Variants in ATRN observed in about 807,000 individuals in gnomAD.
ATRN encodes the protein attractin-2.
Under a neutral mutation model 178.7 loss-of-function variants are expected in ATRN, and 54 were observed. That is an observed-to-expected ratio of 0.30 (90% confidence interval 0.24 to 0.38). ATRN has a LOEUF of 0.38. Among genes scored for constraint, ATRN ranks in the 10% least tolerant of loss-of-function variants. The pLI is 1.00. For synonymous variants in ATRN, 636 were observed against 663.0 expected, an observed-to-expected ratio of 0.96 and a Z score of 0.63; for missense variants, 1,443 against 1,815.1, an observed-to-expected ratio of 0.79 and a Z score of 3.73.
chr20:3,597,396 A>G lies in ATRN; in HGVS notation c.3470-510A>G, dbSNP rs569542087. 2.6e-5 allele frequency among the ~76,000 whole-genome samples: 4 copies of G among 152,296 alleles called. No individual in the cohort carries two copies. The South Asian group carries it at 8.3e-4, about 32-fold the overall frequency. On this transcript the variant is annotated intron_variant, in intron 21 of 28. Transcript: ENST00000262919. ...ATGAAAGAAGATATTACAGTGGCCA[A>G]TAAGCACATTAAAAACGACTTAACA...
Position 3,471,098 on chromosome 20 carries a change from C to T in ATRN, c.-10C>T. 1.3e-6 allele frequency: 2 copies of T among 1,509,914 alleles called. No homozygotes were observed. Among genetic ancestry groups the T allele is most frequent in the East Asian group, 2.7e-5 (1 of 37,350 alleles). The allele number at this position is 1,509,914 out of a possible 1,614,324, so 93.5% of individuals were successfully genotyped here. A position where few individuals can be genotyped will look rare whatever the true frequency, so the allele number is the denominator to read the frequency against. On this transcript the variant is annotated 5_prime_UTR_variant, in exon 1 of 29. Transcript: ENST00000262919. ...ATGTGTTCGCGGGGCGCCGTCTCAG[C>T]CCCGGGAAGATGGTGGCTGCAGCGG...
Position 3,562,434 on chromosome 20 carries a change from C to A in ATRN, c.1606C>A (p.Arg536=). 6.2e-7 allele frequency: 1 copy of A among 1,614,020 alleles called. No homozygotes were observed. The highest frequency in any genetic ancestry group is 8.5e-7 in the Non-Finnish European group (1 of 1,179,974). The change falls in exon 9 of 29, where the codon CGA becomes AGA. Residue 536 remains arginine, a synonymous_variant. Transcript: ENST00000262919. ...GTACCGGCTTGCAGATGATCTCTAC[C>A]GATATGATGTGGATACCCAGATGTG... ...NKYRLADDLY[R]YDVDTQMWTI... is the part of the protein sequence containing the mutation.
In ATRN at chr20:3,645,721, C is replaced by T. The variant is rs543795918; in HGVS notation, c.4166-1002C>T. 1.1e-4 allele frequency among the ~76,000 whole-genome samples: 16 copies of T among 152,284 alleles called. No homozygotes were observed. Among genetic ancestry groups the T allele is most frequent in the African/African-American group, 3.6e-4 (15 of 41,558 alleles). Reference sequence around the variant, plus strand: ...CTTTTCTAGGCTCCCAGAGCATTCCCCACTGTGTGCCAGGCACTTACAGCT... The same window carrying T: ...CTTTTCTAGGCTCCCAGAGCATTCCTCACTGTGTGCCAGGCACTTACAGCT... On this transcript the variant is annotated intron_variant, in intron 28 of 28. Transcript: ENST00000262919. This position sits in a 1 kb window ranked among gnomAD's most constrained non-coding sequence, Gnocchi z 4.7.
In ATRN at chr20:3,646,680, G is replaced by A. The variant is rs559606724; in HGVS notation, c.4166-43G>A. ...AATTATTTTTTAAAACAAAATAAAA[G>A]CCAGCTGCTCCCAGCATATGTTCTC... On this transcript the variant is annotated intron_variant, in intron 28 of 28. Coordinates refer to ENST00000262919, the MANE Select transcript of ATRN (RefSeq NM_139321.3). The A allele has an allele frequency of 3.6e-5, 55 of 1,508,126 alleles. No homozygotes were observed. In the South Asian group the frequency reaches 6.4e-4, roughly 18 times the overall value. 93.4% of individuals were successfully genotyped at this position (1,508,126 alleles called of 1,614,324 possible). A position where few individuals can be genotyped will look rare whatever the true frequency, so the allele number is the denominator to read the frequency against.
intron 27 of ATRN, among the ~76,000 whole-genome samples, chr20:3,639,873 A>G (rs2087054052): frequency 6.6e-6 from 1 of 152,202 alleles, no homozygotes. Context: ...AAGTGGTTCC[A>G]GATGGTAAAC....
chr20:3,635,557 A>C (rs377556898), intron 26 of ATRN, among the ~76,000 whole-genome samples: 1 of 152,140 alleles, frequency 6.6e-6, no homozygotes, highest in African/African-American at 2.4e-5. Flanking sequence ...TAGACAAAGA[A>C]GCTGTCTGGG....
intron 1 of ATRN, among the ~76,000 whole-genome samples, chr20:3,474,545 A>C (rs1472918746): frequency 6.6e-6 from 1 of 151,604 alleles, no homozygotes; most frequent in African/African-American, 2.4e-5. Flanking sequence ...GTCTCCACTA[A>C]AAATACAAAA....
chr20:3,628,815 G>A, intron 25 of ATRN: 9 of 877,850 alleles, frequency 1.0e-5, no homozygotes, highest in Non-Finnish European at 1.2e-5. Context: ...AGCCGTCTCT[G>A]ACCCATGCTG....
intron 5 of ATRN, among the ~76,000 whole-genome samples, chr20:3,548,511 G>T (rs2085740397): frequency 6.7e-6 from 1 of 149,614 alleles, no homozygotes; most frequent in Non-Finnish European, 1.5e-5. Context: ...TGAGGCAGGA[G>T]AATGTCTTGA....
Position 3,522,446 on chromosome 20 carries a change from C to T in ATRN, c.411-12807C>T, listed in dbSNP as rs238704. On this transcript the variant is annotated intron_variant, in intron 1 of 28. Transcript: ENST00000262919. Reference sequence around the variant, plus strand: ...GCTTATAGATAAAACTCCCATCTTCCTGGGACAGAGCACCTGGGGGAATGG... The same window carrying T: ...GCTTATAGATAAAACTCCCATCTTCTTGGGACAGAGCACCTGGGGGAATGG... Among the ~76,000 whole-genome samples the T allele has an allele frequency of 3.6e-3, 553 of 152,340 alleles. 2 individuals are homozygous for T. Among genetic ancestry groups the T allele is most frequent in the Middle Eastern group, 0.01 (3 of 294 alleles).
intron 17 of ATRN, among the ~76,000 whole-genome samples, 178 bp downstream of exon 17, chr20:3,584,261 C>A (rs1395149742): frequency 1.3e-5 from 2 of 152,250 alleles, no homozygotes; most frequent in East Asian, 1.9e-4. Flanking sequence ...AACCTTCATA[C>A]AGAATCAGGC....
chr20:3,627,749 T>C (rs2086954053), intron 25 of ATRN, among the ~76,000 whole-genome samples: 1 of 152,204 alleles, frequency 6.6e-6, no homozygotes, highest in African/African-American at 2.4e-5. Flanking sequence ...AAAAGAAAAA[T>C]ATGCAACTTG....
intron 1 of ATRN, chr20:3,489,523 T>C: frequency 5.0e-6 from 7 of 1,398,746 alleles, no homozygotes; most frequent in Non-Finnish European, 7.1e-6. Flanking sequence ...GCTACATCCC[T>C]GAGCACTAGA....
In ATRN at chr20:3,512,107, A is replaced by ATATATATTTTT; in HGVS notation, c.411-23145_411-23144insATATATTTTTT. Among the ~76,000 whole-genome samples the ATATATATTTTT allele has an allele frequency of 1.4e-4, 15 of 106,398 alleles. 1 individual carries two copies. The highest frequency in any genetic ancestry group is 6.7e-4 in the African/African-American group (15 of 22,524). 69.8% of individuals were successfully genotyped at this position (106,398 alleles called of 152,430 possible). A position where few individuals can be genotyped will look rare whatever the true frequency, so the allele number is the denominator to read the frequency against. ...CTTTTATATATATATATATATATAT[A>ATATATATTTTT]TTTTTTTTTTTTATTATACTTTAAG... is the stretch of plus-strand genomic sequence containing the variant. On this transcript the variant is annotated intron_variant, in intron 1 of 28. Transcript: ENST00000262919.
At chr20:3,562,500 T>G in intron 9 of ATRN, 41 bp downstream of exon 9, 1 of 1,589,346 alleles carries the variant, frequency 6.3e-7, no homozygotes, top group Non-Finnish European at 8.6e-7. Flanking sequence ...AGGTGTAAAT[T>G]CTGTAGAGGC....
intron 25 of ATRN, among the ~76,000 whole-genome samples, chr20:3,628,158 C>T (rs775982288): frequency 3.3e-5 from 5 of 152,180 alleles, no homozygotes; most frequent in Admixed American, 2.0e-4. Context: ...GGCAACAGTG[C>T]GAGACTCCAT....
intron 1 of ATRN, among the ~76,000 whole-genome samples, chr20:3,494,096 C>G (rs1340857749): frequency 6.6e-6 from 1 of 152,124 alleles, no homozygotes. Context: ...GCACTGAAAA[C>G]TTGGGGCACA....
rs137983547 is a variant in ATRN at position 3,628,887 on chromosome 20, G to T, written c.3863+4315G>T. ...CTTTTCTATTCAGCCTCTCACTGTTGATTTTTTCCCAGACCTTGACCCTGG... is the reference window on the plus strand; with the variant it reads ...CTTTTCTATTCAGCCTCTCACTGTTTATTTTTTCCCAGACCTTGACCCTGG... On this transcript the variant is annotated intron_variant, in intron 25 of 28. Coordinates refer to ENST00000262919, the MANE Select transcript of ATRN (RefSeq NM_139321.3). 2.7e-4 allele frequency: 265 copies of T among 985,116 alleles called. 1 individual carries two copies. In the African/African-American group the frequency reaches 4.4e-3, roughly 16 times the overall value. The allele number at this position is 985,116 out of a possible 1,614,324, so 61.0% of individuals were successfully genotyped here.
At chr20:3,596,616 A>G (rs1224958166) in intron 21 of ATRN, among the ~76,000 whole-genome samples, 187 bp downstream of exon 21, 1 of 152,142 alleles carries the variant, frequency 6.6e-6, no homozygotes, top group African/African-American at 2.4e-5. Flanking sequence ...AGCTGTTTTA[A>G]TTGTGTTTGG....
Sources: allele counts gnomAD v4.1 joint callset (sites outside exome capture counted in the v4.1 genomes callset), GRCh38; gene constraint gnomAD v4.1.1; non-coding constraint Gnocchi (gnomAD v3.1); transcripts MANE v1.5; gene names NCBI Gene and HGNC (gene_info 2026-07-23, HGNC 2026-07-21).